The following INCENP variants were observed in gnomAD, a reference collection of about 807,000 sequenced individuals.
INCENP encodes binds and activates aurora-B and -C in vivo and in vitro.
INCENP carries 43 observed loss-of-function variants against 107.3 expected under a neutral mutation model. The ratio of observed to expected loss-of-function variants is 0.40; its 90% CI spans 0.31 to 0.52. INCENP has a LOEUF of 0.52. INCENP is among the 20% of genes least tolerant of loss of function. INCENP has a pLI of 0.53. For synonymous variants in INCENP, 488 were observed against 494.4 expected (o/e 0.99, Z 0.17); for missense variants, 1,089 against 1,250.9 (o/e 0.87, Z 1.95).
chr11:62,128,097 C>G (rs1334174802), intron 1 of INCENP, 54 bp from the exon 2 acceptor site: 1 of 1,598,878 alleles, frequency 6.3e-7, no homozygotes, highest in African/African-American at 1.3e-5. Context: ...GGAGAAAGCC[C>G]CAGACCCCTA....
intron 1 of INCENP, among the ~76,000 whole-genome samples, chr11:62,124,502 C>G (rs1470123897): frequency 2.0e-5 from 3 of 152,232 alleles, no homozygotes; most frequent in African/African-American, 7.2e-5. Flanking sequence ...CGGAATGATG[C>G]CAGATGGCAT....
At chr11:62,142,310 G>A (rs1322498962) in intron 11 of INCENP, among the ~76,000 whole-genome samples, 1 of 152,270 alleles carries the variant, frequency 6.6e-6, no homozygotes, top group Non-Finnish European at 1.5e-5. Flanking sequence ...AGCTGGCCAG[G>A]TGGGCCCTGA....
In INCENP at chr11:62,150,148, G is replaced by T. The variant is rs1162927452; in HGVS notation, c.2483G>T (p.Ser828Ile). 1 of 1,614,074 alleles carries T rather than the reference G, an allele frequency of 6.2e-7. No individual in the cohort carries two copies. ...NPDNYGMDLNSDDSTDDEAHP... is the reference protein window; with the variant it reads ...NPDNYGMDLNIDDSTDDEAHP... ...GATAACTACGGGATGGATCTGAATAGCGACGACTCCACCGATGATGAGGCC... is the reference window on the plus strand; with the variant it reads ...GATAACTACGGGATGGATCTGAATATCGACGACTCCACCGATGATGAGGCC... The change falls in exon 18 of 19, where the codon AGC (serine) becomes ATC (isoleucine). Residue 828 changes from serine to isoleucine, a missense_variant. By Grantham distance (142) the Ser-to-Ile change is moderately radical. Coordinates refer to ENST00000394818, the MANE Select transcript of INCENP (RefSeq NM_001040694.2).
At chr11:62,132,299 C>T (rs2134627143) in intron 4 of INCENP, among the ~76,000 whole-genome samples, 1 of 152,338 alleles carries the variant, frequency 6.6e-6, no homozygotes, top group Middle Eastern at 3.4e-3. Context: ...GTGTTTCATT[C>T]TGTCCAGAAA....
intron 2 of INCENP, 48 bp from the exon 3 acceptor site, chr11:62,128,722 C>T (rs904787224): frequency 7.6e-7 from 1 of 1,324,266 alleles, no homozygotes; most frequent in Non-Finnish European, 1.1e-6. Flanking sequence ...GAGAGGGGAC[C>T]AGTGGTTCCC....
chr11:62,128,927 G>T, intron 3 of INCENP, 44 bp downstream of exon 3: 1 of 1,293,616 alleles, frequency 7.7e-7, no homozygotes. Context: ...TGGGCTCTGC[G>T]GAGGCTTGGT....
In INCENP at chr11:62,151,812, C is replaced by T. The variant is rs1254600834; in HGVS notation, c.2593C>T (p.Leu865Phe). The change falls in exon 19 of 19, where the codon CTT (leucine) becomes TTT (phenylalanine). Residue 865 changes from leucine to phenylalanine, a missense_variant. Physicochemically the swap from Leu to Phe is conservative, Grantham distance 22. Transcript: ENST00000394818. ...TCACCAGTACTACCACCCACCGAAC[C>T]TTCTGGAGCTCTTTGGAACCATTCT... is the stretch of plus-strand genomic sequence containing the variant. Reference protein sequence around the residue: ...IIHQYYHPPNLLELFGTILPL... With the variant: ...IIHQYYHPPNFLELFGTILPL... The T allele has an allele frequency of 1.9e-5, 31 of 1,614,182 alleles. No individual in the cohort carries two copies. Among genetic ancestry groups the T allele is most frequent in the Non-Finnish European group, 2.6e-5 (31 of 1,180,032 alleles).
At chr11:62,148,620 T>C in intron 16 of INCENP, 66 bp downstream of exon 16, 1 of 1,514,444 alleles carries the variant, frequency 6.6e-7, no homozygotes. Flanking sequence ...TCTGGACTCC[T>C]GCAGCAGGGG....
chr11:62,144,922 G>T (rs1475364588), intron 11 of INCENP, 60 bp from the exon 12 acceptor site: 4 of 1,473,778 alleles, frequency 2.7e-6, no homozygotes, highest in Non-Finnish European at 2.8e-6. Flanking sequence ...GCAGCTTTTG[G>T]GGCTGGGTGG....
chr11:62,131,894 G>A (rs1249765356), intron 4 of INCENP, among the ~76,000 whole-genome samples: 2 of 151,942 alleles, frequency 1.3e-5, no homozygotes, highest in Non-Finnish European at 2.9e-5. Flanking sequence ...CAATTCTCCT[G>A]CCTCAGTCTC....
chr11:62,136,040 G>A (rs1054425242), intron 4 of INCENP, among the ~76,000 whole-genome samples: 6 of 151,982 alleles, frequency 3.9e-5, no homozygotes, highest in South Asian at 2.1e-4. Context: ...CTAGTGATCC[G>A]CCCGCCTCGG....
At position 62,145,739 on chromosome 11, in the gene INCENP, G is replaced by A. The variant is rs758495956; in HGVS notation, c.1947G>A (p.Arg649=). ...RKQEEEARRL[R]WLQQEEEERR... ...AGGAAGAGGAGGCACGTAGGCTCAG[G>A]TGGCTGCAGCAGGTGCGAGCACAGG... is the stretch of plus-strand genomic sequence containing the variant. The change falls in exon 14 of 19, where the codon AGG becomes AGA. Residue 649 remains arginine (R), a synonymous_variant. Coordinates refer to ENST00000394818, the MANE Select transcript of INCENP (RefSeq NM_001040694.2). 8 of 1,553,762 alleles carry A rather than the reference G, an allele frequency of 5.1e-6. No individual in the cohort carries two copies. The South Asian group carries it at 7.1e-5, about 14-fold the overall frequency.
In INCENP at chr11:62,138,973, G is replaced by C; in HGVS notation, c.1259G>C (p.Ser420Thr). ...ACACCCAACCCGAAGCCTGCAGCCA[G>C]CAGCCCGGAAACACCCTCTGCAGGG... ...NSTPNPKPAA[S>T]SPETPSAGQQ... is the part of the protein sequence containing the mutation. Residue 420 changes from serine to threonine, a missense_variant, in exon 7 of 19, where the codon AGC becomes ACC. Coordinates refer to ENST00000394818, the MANE Select transcript of INCENP (RefSeq NM_001040694.2). 6.2e-7 allele frequency: 1 copy of C among 1,614,042 alleles called. No individual in the cohort carries two copies. The highest frequency in any genetic ancestry group is 8.5e-7 in the Non-Finnish European group (1 of 1,179,940).
intron 3 of INCENP, 79 bp from the exon 4 acceptor site, chr11:62,129,703 A>C: frequency 8.4e-7 from 1 of 1,194,496 alleles, no homozygotes; most frequent in African/African-American, 1.5e-5. Flanking sequence ...TACTCTATCC[A>C]AGCTGGTGGC....
chr11:62,149,971 A>G (rs1944338002), intron 17 of INCENP, 86 bp from the exon 18 acceptor site: 3 of 1,269,756 alleles, frequency 2.4e-6, no homozygotes, highest in Non-Finnish European at 3.3e-6. Context: ...GTGAAATAGG[A>G]GGAGGTGAGC....
rs771725238 is a variant in INCENP, at chr11:62,140,238, C to T, written c.1296C>T (p.Ala432=). Reference sequence around the variant, plus strand: ...CTGAAATTGCTGTCTTCACAGAGGCCAAGACGGACCAAGCAGATGGACCCA... The same window carrying T: ...CTGAAATTGCTGTCTTCACAGAGGCTAAGACGGACCAAGCAGATGGACCCA... The part of the protein sequence containing the change: ...PETPSAGQQE[A]KTDQADGPRE... Residue 432 remains alanine (A), a synonymous_variant, in exon 8 of 19, where the codon GCC becomes GCT. Coordinates refer to ENST00000394818, the MANE Select transcript of INCENP (RefSeq NM_001040694.2). The T allele has an allele frequency of 8.7e-6, 14 of 1,613,432 alleles. No individual in the cohort carries two copies. The South Asian group carries it at 1.4e-4, about 16-fold the overall frequency.
intron 5 of INCENP, 41 bp from the exon 6 acceptor site, chr11:62,138,672 C>G: frequency 1.3e-6 from 2 of 1,597,532 alleles, no homozygotes; most frequent in Non-Finnish European, 1.7e-6. Flanking sequence ...AGGGCTTGGA[C>G]TAGCTGGGCA....
In INCENP at chr11:62,130,004, C is replaced by A. The variant is rs1172254066; in HGVS notation, c.477C>A (p.Asn159Lys). The change falls in exon 4 of 19, where the codon AAC becomes AAA. Residue 159 changes from asparagine to lysine, a missense_variant. By Grantham distance (94) the Asn-to-Lys change is moderately conservative (BLOSUM62 0). Transcript: ENST00000394818. The part of the protein sequence containing the change: ...PTMLTKKPED[N>K]HTQCQLVPVV... ...TGCTGACTAAGAAGCCCGAGGATAA[C>A]CACACCCAGTGCCAGCTGGTGCCTG... 6.2e-7 allele frequency: 1 copy of A among 1,614,124 alleles called. No individual in the cohort carries two copies.
intron 1 of INCENP, among the ~76,000 whole-genome samples, chr11:62,125,798 G>GT (rs1377658151): frequency 6.6e-6 from 1 of 152,236 alleles, no homozygotes; most frequent in Non-Finnish European, 1.5e-5. Context: ...GGCATTCAAC[G>GT]ATGAGCAAGA....
Sources: gnomAD v4.1 joint callset for allele counts (sites outside exome capture counted in the v4.1 genomes callset) on GRCh38, gnomAD v4.1.1 for gene constraint, MANE v1.5 for transcripts, NCBI Gene and HGNC (gene_info 2026-07-23, HGNC 2026-07-21) for gene names.